The following CLEC4A variants were observed in gnomAD, a reference collection of about 807,000 sequenced individuals.
The protein encoded by CLEC4A is C-type (calcium dependent, carbohydrate-recognition domain) lectin, superfamily member 6.
CLEC4A carries 27 observed loss-of-function variants against 32.7 expected under a neutral mutation model. The observed-to-expected ratio is 0.83, with a 90% CI of 0.61 to 1.14. The LOEUF is 1.14. CLEC4A is among the 50% of genes most tolerant of loss of function. The pLI is 0.00. For synonymous variants in CLEC4A, 89 were observed against 93.7 expected (o/e 0.95, Z 0.29); for missense variants, 253 against 274.6 (o/e 0.92, Z 0.55).
At chr12:8,122,632 T>G (rs1056209296), upstream of CLEC4A, among the ~76,000 whole-genome samples, 7 of 151,840 alleles carry the variant, frequency 4.6e-5, no homozygotes, top group Non-Finnish European at 1.0e-4. Context: ...ATTGATCAAA[T>G]AAGGAATAAG....
chr12:8,128,087 A>G (rs1192380503), intron 2 of CLEC4A, among the ~76,000 whole-genome samples: 2 of 152,176 alleles, frequency 1.3e-5, no homozygotes, highest in African/African-American at 4.8e-5. Context: ...TTAGTATGAG[A>G]AAGACGGATA....
At chr12:8,103,640 G>A in the CLEC4A span, among the ~76,000 whole-genome samples, 53 of 152,082 alleles carry the variant, frequency 3.5e-4, no homozygotes, top group Non-Finnish European at 5.4e-4. Context: ...CTGCCTTGGC[G>A]TCCCCAGTAC....
chr12:8,118,362 C>G, the CLEC4A span, among the ~76,000 whole-genome samples: 1 of 148,742 alleles, frequency 6.7e-6, no homozygotes, highest in Non-Finnish European at 1.5e-5. Context: ...TTAAATGTGT[C>G]CCTCTCTGTA....
intron 3 of CLEC4A, chr12:8,134,528 A>T (rs1948057974): frequency 5.0e-6 from 8 of 1,613,668 alleles, no homozygotes; most frequent in East Asian, 2.2e-5. Context: ...GGGAGGCCCC[A>T]TCGGAGTTGC....
intron 3 of CLEC4A, chr12:8,134,986 G>GTTTGTTT (rs1555080238): frequency 3.0e-5 from 4 of 133,322 alleles, no homozygotes; most frequent in African/African-American, 7.0e-5. Flanking sequence ...TTTGTTTTTT[G>GTTTGTTT]TTTTTTTTTA....
Position 8,123,787 on chromosome 12 carries a change from A to G in CLEC4A, c.-92A>G. ...ACTAGTTGAGTGAAAGGAAGGAGGTAATTTACCACCATGTTTGGTTCCTGT... is the reference window on the plus strand; with the variant it reads ...ACTAGTTGAGTGAAAGGAAGGAGGTGATTTACCACCATGTTTGGTTCCTGT... On this transcript the variant is annotated 5_prime_UTR_variant, in exon 1 of 6. Coordinates refer to ENST00000229332, the MANE Select transcript of CLEC4A (RefSeq NM_016184.4). 1 of 839,686 alleles carries G rather than the reference A, an allele frequency of 1.2e-6. No homozygotes were observed. The highest frequency in any genetic ancestry group is 2.0e-6 in the Non-Finnish European group (1 of 498,418). 52.0% of individuals were successfully genotyped at this position (839,686 alleles called of 1,614,324 possible). A position where few individuals can be genotyped will look rare whatever the true frequency, so the allele number is the denominator to read the frequency against.
At chr12:8,118,732 T>C (rs942903002), upstream of CLEC4A, among the ~76,000 whole-genome samples, 2 of 152,162 alleles carry the variant, frequency 1.3e-5, no homozygotes, top group African/African-American at 2.4e-5. Context: ...TAATTTGATG[T>C]GAGATTTGGT....
chr12:8,117,833 CA>C, the CLEC4A span, among the ~76,000 whole-genome samples: 1 of 152,086 alleles, frequency 6.6e-6, no homozygotes, highest in South Asian at 2.1e-4. Context: ...GAATATTCTT[CA>C]AACATAAGGA....
At chr12:8,118,217 A>T in the CLEC4A span, among the ~76,000 whole-genome samples, 4 of 152,316 alleles carry the variant, frequency 2.6e-5, no homozygotes, top group Middle Eastern at 3.4e-3. Flanking sequence ...GAGTAGACAG[A>T]GGGATGATTT....
At chr12:8,120,883 G>C (rs139279138), upstream of CLEC4A, 1 of 152,336 alleles carries the variant, frequency 6.6e-6, no homozygotes, top group East Asian at 1.9e-4. Flanking sequence ...TGTAGACAAA[G>C]TATATTTCCC....
At chr12:8,124,445 G>A (rs1002445277) in intron 1 of CLEC4A, among the ~76,000 whole-genome samples, 3 of 152,180 alleles carry the variant, frequency 2.0e-5, no homozygotes, top group African/African-American at 7.2e-5. Flanking sequence ...AAAGGCCTTT[G>A]CAAATGAAAG....
chr12:8,111,341 G>A, the CLEC4A span, among the ~76,000 whole-genome samples: 7 of 151,506 alleles, frequency 4.6e-5, no homozygotes, highest in African/African-American at 1.5e-4. Context: ...CACCACCTCC[G>A]GCTAATTTTT....
the CLEC4A span, among the ~76,000 whole-genome samples, chr12:8,108,532 C>T: frequency 6.6e-6 from 1 of 152,114 alleles, no homozygotes; most frequent in Non-Finnish European, 1.5e-5. Context: ...ACATATTCTC[C>T]ATCAGTCACA....
In CLEC4A at chr12:8,138,475, G is replaced by A; in HGVS notation, c.*188G>A. On this transcript the variant is annotated 3_prime_UTR_variant, in exon 6 of 6. Coordinates refer to ENST00000229332, the MANE Select transcript of CLEC4A (RefSeq NM_016184.4). ...TTTTCATAAAGTGAGCATTTATTGA[G>A]CATTTTTTCATGTGCCAGAGCCTGT... 3.1e-6 allele frequency: 2 copies of A among 653,816 alleles called. No homozygotes were observed. The highest frequency in any genetic ancestry group is 4.6e-5 in the South Asian group (2 of 43,208). 40.5% of individuals were successfully genotyped at this position (653,816 alleles called of 1,614,324 possible). A position where few individuals can be genotyped will look rare whatever the true frequency, so the allele number is the denominator to read the frequency against.
chr12:8,119,649 A>G (rs78281985), upstream of CLEC4A, among the ~76,000 whole-genome samples: 5 of 152,360 alleles, frequency 3.3e-5, no homozygotes, highest in East Asian at 5.8e-4. Flanking sequence ...TTCACAGTGA[A>G]CAGAATGGTC....
At chr12:8,114,702 A>C in the CLEC4A span, among the ~76,000 whole-genome samples, 257 of 152,318 alleles carry the variant, frequency 1.7e-3, 1 homozygote, top group Admixed American at 2.9e-3. Flanking sequence ...ATTATGAATT[A>C]TATGGAAGTC....
At chr12:8,136,986 T>A in intron 5 of CLEC4A, 83 bp downstream of exon 5, 1 of 836,452 alleles carries the variant, frequency 1.2e-6, no homozygotes, top group Non-Finnish European at 1.9e-6. Flanking sequence ...GCTATAAAAG[T>A]AAAATAGCTC....
intron 3 of CLEC4A, among the ~76,000 whole-genome samples, chr12:8,132,576 A>G (rs753732637): frequency 1.3e-5 from 2 of 152,316 alleles, no homozygotes; most frequent in South Asian, 4.1e-4. Flanking sequence ...TTGTTTCAGC[A>G]TATGTTCCAG....
the CLEC4A span, among the ~76,000 whole-genome samples, chr12:8,116,928 A>G: frequency 5.2e-4 from 79 of 152,308 alleles, 1 homozygote; most frequent in African/African-American, 1.8e-3. Context: ...ATTTTATCAC[A>G]ATCAAGCCTC....
Sources: gnomAD v4.1 joint callset for allele counts (sites outside exome capture counted in the v4.1 genomes callset) on GRCh38, gnomAD v4.1.1 for gene constraint, MANE v1.5 for transcripts, NCBI Gene and HGNC (gene_info 2026-07-23, HGNC 2026-07-21) for gene names.